The following CELF4 variants were observed in gnomAD, a reference collection of about 807,000 sequenced individuals.
The protein encoded by CELF4 is CUG-BP- and ETR-3-like factor 4.
Under a neutral mutation model 59.9 loss-of-function variants are expected in CELF4, and 18 were observed. The observed-to-expected ratio is 0.30, with a 90% CI of 0.21 to 0.45. The LOEUF (loss-of-function observed/expected upper bound fraction) is 0.45. Ranked by LOEUF, CELF4 falls within the 20% of genes least tolerant of loss-of-function variation. CELF4 has a pLI of 1.00. For synonymous variants in CELF4, 261 were observed against 267.1 expected (o/e 0.98, Z 0.22); for missense variants, 456 against 689.0 (o/e 0.66, Z 3.79).
At chr18:37,558,372 C>A (rs1226431002) in intron 1 of CELF4, among the ~76,000 whole-genome samples, 1 of 118,424 alleles carries the variant, frequency 8.4e-6, no homozygotes, top group Admixed American at 1.1e-4. Flanking sequence ...TTTTACTACC[C>A]CTGTAACAGT....
At chr18:37,378,271 G>T (rs1191930231) in intron 2 of CELF4, among the ~76,000 whole-genome samples, 1 of 152,124 alleles carries the variant, frequency 6.6e-6, no homozygotes, top group Non-Finnish European at 1.5e-5. Context: ...CCCCTTGCTT[G>T]TTGCTTGGGT....
intron 3 of CELF4, among the ~76,000 whole-genome samples, chr18:37,295,936 G>A (rs902313376): frequency 1.3e-5 from 2 of 152,188 alleles, no homozygotes; most frequent in Non-Finnish European, 2.9e-5. Context: ...TGCAGATGTG[G>A]TAGTGTGAGA....
chr18:37,284,972 G>T (rs1205909284), intron 3 of CELF4, among the ~76,000 whole-genome samples: 1 of 152,188 alleles, frequency 6.6e-6, no homozygotes, highest in Non-Finnish European at 1.5e-5. Context: ...GGAGGGTACC[G>T]CCTGGAGTTC....
At chr18:37,341,528 A>C (rs550550238) in intron 2 of CELF4, among the ~76,000 whole-genome samples, 2 of 152,200 alleles carry the variant, frequency 1.3e-5, no homozygotes, top group Non-Finnish European at 2.9e-5. Flanking sequence ...GGAGGGCATA[A>C]GGGCTTTCCA....
chr18:37,319,895 C>T (rs2097031145), intron 3 of CELF4, among the ~76,000 whole-genome samples: 1 of 152,176 alleles, frequency 6.6e-6, no homozygotes, highest in Admixed American at 6.5e-5. Context: ...CCAAGAGCTC[C>T]TGGCTGGGAG....
At chr18:37,430,766 C>G (rs1268296206) in intron 2 of CELF4, among the ~76,000 whole-genome samples, 1 of 152,234 alleles carries the variant, frequency 6.6e-6, no homozygotes, top group African/African-American at 2.4e-5. Context: ...CTGTCAGGCC[C>G]CCTCTAGTTG....
intron 2 of CELF4, among the ~76,000 whole-genome samples, chr18:37,402,856 G>A (rs1162427142): frequency 6.6e-6 from 1 of 152,136 alleles, no homozygotes; most frequent in South Asian, 2.1e-4. Context: ...TGCAGGCCTA[G>A]CTCAAGGACC....
chr18:37,359,743 T>C (rs542305596), intron 2 of CELF4, among the ~76,000 whole-genome samples: 12 of 152,258 alleles, frequency 7.9e-5, no homozygotes, highest in Admixed American at 6.5e-4. Context: ...GAGAAAGGGT[T>C]TCACCCTGTT....
At chr18:37,448,597 C>A (rs1003162115) in intron 2 of CELF4, among the ~76,000 whole-genome samples, 1 of 152,224 alleles carries the variant, frequency 6.6e-6, no homozygotes, top group Non-Finnish European at 1.5e-5. Flanking sequence ...CAGGTGCTGG[C>A]CCCTGACAGC....
rs756422800 is a variant in CELF4 at position 37,321,838 on chromosome 18, C to T, written c.413G>A (p.Arg138Gln). ...IQVKPADSES[R>Q]GGSSCLRQPP... is the part of the protein sequence containing the mutation. Reference sequence around the variant, plus strand: ...CTGGCGCAGGCAGCTACTACCTCCTCGGCTCTCGCTGTCCGCAGGCTTCAC... The same window carrying T: ...CTGGCGCAGGCAGCTACTACCTCCTTGGCTCTCGCTGTCCGCAGGCTTCAC... The change falls in exon 3 of 13, where the codon CGA (arginine) becomes CAA (glutamine). Residue 138 changes from arginine to glutamine, a missense_variant. Coordinates refer to ENST00000420428, the MANE Select transcript of CELF4 (RefSeq NM_020180.4). The T allele has an allele frequency of 3.7e-6, 6 of 1,613,412 alleles. No homozygotes were observed. The highest frequency in any genetic ancestry group is 1.3e-5 in the African/African-American group (1 of 75,060).
chr18:37,543,438 G>T (rs571891872), intron 1 of CELF4, among the ~76,000 whole-genome samples: 120 of 152,286 alleles, frequency 7.9e-4, no homozygotes, highest in African/African-American at 2.6e-3. Flanking sequence ...GGGTGGCAGG[G>T]GCTGAATTTA....
In CELF4 at chr18:37,338,818, G is replaced by T. The variant is rs115062694; in HGVS notation, c.370-16937C>A. On this transcript the variant is annotated intron_variant, in intron 2 of 12. Transcript: ENST00000420428. Reference sequence around the variant, plus strand: ...TGGTGTGTGTGATCTACCTTCACAGGGTGGCTTTGAGAGCAGAACAAGCCA... The same window carrying T: ...TGGTGTGTGTGATCTACCTTCACAGTGTGGCTTTGAGAGCAGAACAAGCCA... Among the ~76,000 whole-genome samples the T allele has an allele frequency of 3.0e-3, 445 of 149,428 alleles. 2 individuals carry two copies. The highest frequency in any genetic ancestry group is 0.011 in the African/African-American group (428 of 40,704).
intron 3 of CELF4, among the ~76,000 whole-genome samples, chr18:37,298,298 T>C (rs117237587): frequency 6.6e-6 from 1 of 152,180 alleles, no homozygotes; most frequent in South Asian, 2.1e-4. Flanking sequence ...CCCAGCCATG[T>C]CCACCTCTCC....
chr18:37,545,633 C>G (rs555029229), intron 1 of CELF4, among the ~76,000 whole-genome samples: 2 of 151,982 alleles, frequency 1.3e-5, no homozygotes, highest in South Asian at 2.1e-4. Context: ...CCTCTGGCCT[C>G]GCTGGTCGAG....
intron 2 of CELF4, among the ~76,000 whole-genome samples, chr18:37,373,369 C>T (rs1455273492): frequency 1.3e-5 from 2 of 152,168 alleles, no homozygotes; most frequent in African/African-American, 4.8e-5. Flanking sequence ...CTTATACAAC[C>T]TACCTGACTT....
intron 2 of CELF4, among the ~76,000 whole-genome samples, chr18:37,428,038 A>G (rs1164672611): frequency 6.6e-6 from 1 of 152,354 alleles, no homozygotes; most frequent in East Asian, 1.9e-4. Flanking sequence ...AGTTTCACCT[A>G]CCTGCAAGTA....
intron 1 of CELF4, among the ~76,000 whole-genome samples, chr18:37,539,838 C>A (rs907533458): frequency 6.6e-6 from 1 of 152,180 alleles, no homozygotes; most frequent in Admixed American, 6.5e-5. Flanking sequence ...TAGCCACACA[C>A]CGCTGTTAGC....
intron 2 of CELF4, among the ~76,000 whole-genome samples, chr18:37,430,092 C>A (rs1603638716): frequency 6.6e-6 from 1 of 152,200 alleles, no homozygotes; most frequent in African/African-American, 2.4e-5. Flanking sequence ...TCTTGGCCAC[C>A]CCTCTTGGGG....
intron 1 of CELF4, among the ~76,000 whole-genome samples, chr18:37,497,641 G>A (rs1448218149): frequency 7.1e-6 from 1 of 140,392 alleles, no homozygotes; most frequent in Non-Finnish European, 1.5e-5. Flanking sequence ...GACAGAACGA[G>A]ACTCTGTCTC....
Sources: allele counts gnomAD v4.1 joint callset (sites outside exome capture counted in the v4.1 genomes callset), GRCh38; gene constraint gnomAD v4.1.1; transcripts MANE v1.5; gene names NCBI Gene and HGNC (gene_info 2026-07-23, HGNC 2026-07-21).